Variants in SLC25A21 observed in about 807,000 individuals in gnomAD.
The protein encoded by SLC25A21 is mitochondrial 2-oxodicarboxylate carrier.
In SLC25A21, 47 loss-of-function variants were observed where a neutral mutation model predicts 43.8. That is an observed-to-expected ratio of 1.07 (90% confidence interval 0.85 to 1.37). The LOEUF (loss-of-function observed/expected upper bound fraction) is 1.37. SLC25A21 is among the 40% of genes most tolerant of loss of function. SLC25A21 has a pLI of 0.00. For missense variants in SLC25A21, 352 were observed against 350.2 expected, an observed-to-expected ratio of 1.00 and a Z score of -0.04; for synonymous variants, 131 against 121.3, an observed-to-expected ratio of 1.08 and a Z score of -0.52.
intron 1 of SLC25A21, among the ~76,000 whole-genome samples, chr14:37,158,965 G>T (rs542063504): frequency 6.6e-6 from 1 of 152,082 alleles, no homozygotes; most frequent in East Asian, 1.9e-4. Flanking sequence ...AAGAAATCAA[G>T]AAGGCAATCC....
chr14:37,074,556 G>C (rs1206560986), intron 1 of SLC25A21, among the ~76,000 whole-genome samples: 1 of 152,218 alleles, frequency 6.6e-6, no homozygotes, highest in African/African-American at 2.4e-5. Context: ...AGGCAGCCAG[G>C]CATGGTGGCT....
At chr14:37,122,629 A>G (rs1963228843) in intron 1 of SLC25A21, among the ~76,000 whole-genome samples, 1 of 42,748 alleles carries the variant, frequency 2.3e-5, no homozygotes. Context: ...TAAAGAAACA[A>G]TACGATATAG....
At chr14:37,017,911 T>C (rs1960898174) in intron 1 of SLC25A21, among the ~76,000 whole-genome samples, 1 of 152,020 alleles carries the variant, frequency 6.6e-6, no homozygotes, top group Non-Finnish European at 1.5e-5. Context: ...GACACTCTAA[T>C]ACATGGTTAA....
chr14:37,003,525 C>A (rs1032236869), intron 1 of SLC25A21, among the ~76,000 whole-genome samples: 1 of 152,136 alleles, frequency 6.6e-6, no homozygotes, highest in African/African-American at 2.4e-5. Flanking sequence ...TGAAACTACC[C>A]AAATGCTCAT....
intron 7 of SLC25A21, among the ~76,000 whole-genome samples, chr14:36,701,571 TCAAATTA>T (rs1484751869): frequency 2.1e-4 from 32 of 152,322 alleles, no homozygotes; most frequent in African/African-American, 7.5e-4. Flanking sequence ...CCCACTTAGC[TCAAATTA>T]TAAAATATAC....
chr14:37,033,315 A>G (rs1468009747), intron 1 of SLC25A21, among the ~76,000 whole-genome samples: 1 of 152,228 alleles, frequency 6.6e-6, no homozygotes, highest in Admixed American at 6.5e-5. Flanking sequence ...TAAAGGCTGA[A>G]TCACATTCCA....
intron 1 of SLC25A21, among the ~76,000 whole-genome samples, chr14:36,980,717 TGGA>T (rs1190438008): frequency 5.3e-5 from 8 of 152,182 alleles, no homozygotes; most frequent in African/African-American, 1.7e-4. Flanking sequence ...TGCATTCCTT[TGGA>T]GGAGAAGAGG....
chr14:37,116,579 G>A (rs1963110607), intron 1 of SLC25A21, among the ~76,000 whole-genome samples: 1 of 151,960 alleles, frequency 6.6e-6, no homozygotes, highest in African/African-American at 2.4e-5. Context: ...GAATCCAGCT[G>A]AGAAAAAATT....
intron 2 of SLC25A21, among the ~76,000 whole-genome samples, chr14:36,818,202 C>G (rs2138454828): frequency 6.6e-6 from 1 of 152,212 alleles, no homozygotes. Flanking sequence ...GGAAATAGTA[C>G]TTTGCAGAGA....
At chr14:36,877,423 A>T (rs1270309553) in intron 1 of SLC25A21, among the ~76,000 whole-genome samples, 2 of 152,182 alleles carry the variant, frequency 1.3e-5, no homozygotes, top group Non-Finnish European at 2.9e-5. Flanking sequence ...TACTTCAGTG[A>T]TTACTTAAAA....
intron 3 of SLC25A21, among the ~76,000 whole-genome samples, chr14:36,756,419 G>A (rs989739506): frequency 1.3e-5 from 2 of 152,204 alleles, no homozygotes; most frequent in African/African-American, 2.4e-5. Flanking sequence ...CGTGGTTCAC[G>A]AGGCTCCCCA....
At chr14:37,068,363 T>G (rs1962102039) in intron 1 of SLC25A21, among the ~76,000 whole-genome samples, 1 of 152,192 alleles carries the variant, frequency 6.6e-6, no homozygotes, top group African/African-American at 2.4e-5. Context: ...CACACAAAGT[T>G]CTCTGTGGGT....
At chr14:36,810,314 C>T (rs553666139) in intron 3 of SLC25A21, among the ~76,000 whole-genome samples, 1 of 152,254 alleles carries the variant, frequency 6.6e-6, no homozygotes, top group African/African-American at 2.4e-5. Context: ...TCAAATTCTT[C>T]CCAAAACACA....
At chr14:36,973,134 T>G (rs1350027951) in intron 1 of SLC25A21, among the ~76,000 whole-genome samples, 1 of 152,034 alleles carries the variant, frequency 6.6e-6, no homozygotes, top group African/African-American at 2.4e-5. Flanking sequence ...ATTTATTCAG[T>G]AGGCAGTAGA....
intron 3 of SLC25A21, among the ~76,000 whole-genome samples, chr14:36,737,572 G>A (rs544661212): frequency 2.0e-5 from 3 of 152,082 alleles, no homozygotes; most frequent in Non-Finnish European, 4.4e-5. Context: ...CTACCTCCTC[G>A]CATTGCTTTT....
At chr14:36,828,638 A>AT (rs1480249748) in intron 2 of SLC25A21, 2 of 152,134 alleles carry the variant, frequency 1.3e-5, no homozygotes, top group East Asian at 3.9e-4. Context: ...AAACTTAAGG[A>AT]TTTTTTGTTA....
intron 3 of SLC25A21, among the ~76,000 whole-genome samples, chr14:36,803,587 A>G (rs1167373245): frequency 6.6e-6 from 1 of 152,208 alleles, no homozygotes; most frequent in African/African-American, 2.4e-5. Context: ...TCCAAAATGT[A>G]TCTAACACTT....
intron 1 of SLC25A21, among the ~76,000 whole-genome samples, chr14:37,093,902 GTCA>G (rs1448179581): frequency 6.6e-6 from 1 of 152,032 alleles, no homozygotes; most frequent in African/African-American, 2.4e-5. Flanking sequence ...TAACTCTAAG[GTCA>G]TCTGGCATGA....
intron 1 of SLC25A21, among the ~76,000 whole-genome samples, chr14:36,940,303 T>A (rs1162005585): frequency 6.6e-6 from 1 of 152,144 alleles, no homozygotes; most frequent in Non-Finnish European, 1.5e-5. Context: ...GAAATGACAC[T>A]ATGTTTATTC....
Sources: gnomAD v4.1 joint callset for allele counts (sites outside exome capture counted in the v4.1 genomes callset) on GRCh38, gnomAD v4.1.1 for gene constraint, MANE v1.5 for transcripts, NCBI Gene and HGNC (gene_info 2026-07-23, HGNC 2026-07-21) for gene names.